The following SNX29 variants were observed in gnomAD, a reference collection of about 807,000 sequenced individuals.
SNX29 encodes sorting nexin 29, also known as sorting nexin-29.
In SNX29, 78 loss-of-function variants were observed where a neutral mutation model predicts 102.1. The observed-to-expected ratio is 0.76, with a 90% CI of 0.64 to 0.92. SNX29 has a LOEUF of 0.92. SNX29 is among the 40% of genes least tolerant of loss of function. The probability of loss-of-function intolerance (pLI) is 0.00; values close to 1 mark genes in which losing one functional copy is unlikely to be tolerated. For synonymous variants in SNX29, 580 were observed against 414.5 expected (o/e 1.40, Z -4.85); for missense variants, 1,280 against 1,061.7 (o/e 1.21, Z -2.86).
At chr16:12,330,459 C>G (rs2081261907) in intron 15 of SNX29, among the ~76,000 whole-genome samples, 2 of 152,136 alleles carry the variant, frequency 1.3e-5, no homozygotes, top group African/African-American at 4.8e-5. Flanking sequence ...GCTTGACGGT[C>G]ATAAGTAATG....
At chr16:12,535,100 C>T (rs981842528) in intron 20 of SNX29, among the ~76,000 whole-genome samples, 1 of 152,176 alleles carries the variant, frequency 6.6e-6, no homozygotes, top group Non-Finnish European at 1.5e-5. Flanking sequence ...GAGAAACCAA[C>T]ATGTATTTAG....
At chr16:12,213,200 A>T (rs575698846) in intron 14 of SNX29, among the ~76,000 whole-genome samples, 1 of 152,366 alleles carries the variant, frequency 6.6e-6, no homozygotes, top group Admixed American at 6.5e-5. Context: ...GGATGGAACT[A>T]GAGGCCATCA....
intron 20 of SNX29, among the ~76,000 whole-genome samples, chr16:12,565,467 C>CG (rs1567216665): frequency 6.6e-6 from 1 of 152,196 alleles, no homozygotes; most frequent in East Asian, 1.9e-4. Flanking sequence ...TGGGTTCTCT[C>CG]AAACCATCAC....
intron 11 of SNX29, among the ~76,000 whole-genome samples, chr16:12,119,392 T>A (rs2053880372): frequency 6.6e-6 from 1 of 152,184 alleles, no homozygotes; most frequent in African/African-American, 2.4e-5. Flanking sequence ...ACCAAAAAAT[T>A]ACAAATCTGG....
intron 13 of SNX29, among the ~76,000 whole-genome samples, chr16:12,133,281 GTT>G (rs57733463): frequency 0.016 from 1,052 of 66,806 alleles, 21 homozygotes; most frequent in South Asian, 0.045. Context: ...CTTAGTGTGG[GTT>G]TTTTTTTTTT....
chr16:12,363,173 G>A (rs1055376380), intron 16 of SNX29, among the ~76,000 whole-genome samples: 16 of 152,234 alleles, frequency 1.1e-4, no homozygotes, highest in African/African-American at 3.9e-4. Flanking sequence ...TTTGGACCGG[G>A]TCCCCAGGGG....
chr16:12,419,306 C>A (rs1199689756), intron 18 of SNX29, among the ~76,000 whole-genome samples: 1 of 152,096 alleles, frequency 6.6e-6, no homozygotes, highest in African/African-American at 2.4e-5. Flanking sequence ...TCAGCAGGAC[C>A]CGGCCTGCCC....
At chr16:12,536,836 C>T (rs1312210902) in intron 20 of SNX29, among the ~76,000 whole-genome samples, 6 of 152,092 alleles carry the variant, frequency 3.9e-5, no homozygotes, top group Non-Finnish European at 8.8e-5. Context: ...ATTAGCCAGG[C>T]ATGGTGGTGC....
intron 11 of SNX29, among the ~76,000 whole-genome samples, chr16:12,113,213 C>A (rs772853344): frequency 2.0e-5 from 3 of 152,194 alleles, no homozygotes; most frequent in Non-Finnish European, 2.9e-5. Context: ...TGCCTAATCT[C>A]TTTTCCCCAT....
rs1047776185 is a variant in SNX29, at chr16:12,572,443, T to C, written c.*3814T>C. The stretch of plus-strand genomic sequence containing the variant: ...GGCCGGCAGTGGCTGCCTCTCTTGG[T>C]TCTGCATGGTACATTTTGCCAACCC... On this transcript the variant is annotated 3_prime_UTR_variant, in exon 21 of 21. Coordinates refer to ENST00000566228, the MANE Select transcript of SNX29 (RefSeq NM_032167.5). 3 of 1,062,970 alleles carry C rather than the reference T, an allele frequency of 2.8e-6. No individual in the cohort carries two copies. Among genetic ancestry groups the C allele is most frequent in the Non-Finnish European group, 3.4e-6 (3 of 877,820 alleles). The allele number at this position is 1,062,970 out of a possible 1,614,324, so 65.8% of individuals were successfully genotyped here.
At chr16:12,560,151 C>T (rs1297595816) in intron 20 of SNX29, among the ~76,000 whole-genome samples, 7 of 20,684 alleles carry the variant, frequency 3.4e-4, no homozygotes, top group Admixed American at 8.1e-4. Context: ...CCCCAACAAA[C>T]AGTAAAGCCT....
chr16:12,392,287 C>G (rs1387347479), intron 16 of SNX29, among the ~76,000 whole-genome samples: 1 of 152,182 alleles, frequency 6.6e-6, no homozygotes, highest in Admixed American at 6.5e-5. Flanking sequence ...TTTTATTACC[C>G]TAAGTGGTAT....
intron 13 of SNX29, among the ~76,000 whole-genome samples, chr16:12,155,195 A>C (rs958265630): frequency 6.6e-6 from 1 of 152,190 alleles, no homozygotes. Context: ...TCTGCAGACC[A>C]GGAGAGAAAA....
At chr16:12,539,500 T>G (rs1006866093) in intron 20 of SNX29, among the ~76,000 whole-genome samples, 1 of 152,226 alleles carries the variant, frequency 6.6e-6, no homozygotes, top group Non-Finnish European at 1.5e-5. Flanking sequence ...GGAATAAAGT[T>G]GCGTTGGTTC....
intron 11 of SNX29, chr16:12,087,393 G>T: frequency 5.9e-6 from 1 of 170,634 alleles, no homozygotes; most frequent in Non-Finnish European, 1.3e-5. Context: ...CTCCAGCCTG[G>T]GCAACAGAGT....
chr16:12,271,783 C>T (rs1054421902), intron 14 of SNX29, among the ~76,000 whole-genome samples: 7 of 151,942 alleles, frequency 4.6e-5, no homozygotes, highest in Admixed American at 2.0e-4. Flanking sequence ...CCACCATGCC[C>T]GACTAATTTT....
At chr16:12,513,694 T>A (rs147676334) in intron 19 of SNX29, among the ~76,000 whole-genome samples, 1 of 152,182 alleles carries the variant, frequency 6.6e-6, no homozygotes, top group Non-Finnish European at 1.5e-5. Context: ...GTATAAAGAT[T>A]AGAACAGTTT....
intron 20 of SNX29, among the ~76,000 whole-genome samples, chr16:12,548,598 G>A (rs183855001): frequency 6.6e-4 from 101 of 152,238 alleles, no homozygotes; most frequent in African/African-American, 2.3e-3. Flanking sequence ...CTCCAGGCCC[G>A]GGTACTCTGT....
intron 20 of SNX29, among the ~76,000 whole-genome samples, chr16:12,555,025 T>C (rs1439265761): frequency 6.6e-6 from 1 of 151,904 alleles, no homozygotes; most frequent in Non-Finnish European, 1.5e-5. Flanking sequence ...GGAGTGTGCC[T>C]GCCTGGTGCC....
Sources: gnomAD v4.1 joint callset for allele counts (sites outside exome capture counted in the v4.1 genomes callset) on GRCh38, gnomAD v4.1.1 for gene constraint, MANE v1.5 for transcripts, NCBI Gene and HGNC (gene_info 2026-07-23, HGNC 2026-07-21) for gene names.